The following ARMC9 variants were observed in gnomAD, a reference collection of about 807,000 sequenced individuals.
The protein encoded by ARMC9 is armadillo repeat containing 9.
In ARMC9, 94 loss-of-function variants were observed where a neutral mutation model predicts 107.0. The ratio of observed to expected loss-of-function variants is 0.88; its 90% confidence interval spans 0.74 to 1.04. The LOEUF is 1.04. Ranked by LOEUF, ARMC9 falls within the 50% of genes least tolerant of loss-of-function variation. The pLI, the probability that ARMC9 is intolerant of heterozygous loss-of-function variation, is 0.00. For synonymous variants in ARMC9, 380 were observed against 396.9 expected, an observed-to-expected ratio of 0.96 and a Z score of 0.51; for missense variants, 942 against 1,030.1, an observed-to-expected ratio of 0.91 and a Z score of 1.17.
rs1230180858 is a variant in ARMC9, at chr2:231,317,274, G to A, written c.1774-14519G>A. On this transcript the variant is annotated intron_variant, in intron 19 of 24. Transcript: ENST00000611582. ...CAACCTCCGCCTCCTGGGTTCAAGCGATTCTCCTGCCTCAGCTTCCTGAGT... is the reference window on the plus strand; with the variant it reads ...CAACCTCCGCCTCCTGGGTTCAAGCAATTCTCCTGCCTCAGCTTCCTGAGT... Among the ~76,000 whole-genome samples the A allele has an allele frequency of 2.6e-5, 4 of 151,836 alleles. No homozygotes were observed. In the South Asian group the frequency reaches 6.3e-4, roughly 24 times the overall value.
At chr2:231,355,705 C>T (rs1385724363) in intron 21 of ARMC9, 93 bp from the exon 22 acceptor site, 1 of 1,393,478 alleles carries the variant, frequency 7.2e-7, no homozygotes, top group Non-Finnish European at 9.6e-7. Flanking sequence ...GAGGCACCGC[C>T]CCCTCCTGTA....
intron 13 of ARMC9, 118 bp downstream of exon 13, chr2:231,271,190 G>A (rs903303567): frequency 2.0e-5 from 19 of 930,466 alleles, no homozygotes; most frequent in African/African-American, 1.7e-4. Context: ...GTTTGTTACC[G>A]TTTAATTCAT....
rs1284644917 is a variant in ARMC9, at chr2:231,358,585, A to G, written c.2132-2169A>G. Among the ~76,000 whole-genome samples, 1 of 152,142 alleles carries G rather than the reference A, an allele frequency of 6.6e-6. No homozygotes were observed. The highest frequency in any genetic ancestry group is 1.5e-5 in the Non-Finnish European group (1 of 68,028). ...TCTCCTTGCACACAGCTCGCTGCTG[A>G]GTCTGGCCTGTGCTGGGAACTAACG... On this transcript the variant is annotated intron_variant, in intron 22 of 24. Transcript: ENST00000611582. The surrounding 1 kb of genome is among the most constrained non-coding windows in gnomAD (Gnocchi z 4.5).
At chr2:231,305,961 C>T (rs1403020778) in intron 19 of ARMC9, among the ~76,000 whole-genome samples, 1 of 152,138 alleles carries the variant, frequency 6.6e-6, no homozygotes, top group Non-Finnish European at 1.5e-5. Flanking sequence ...CATTAAACTC[C>T]GAATGATTGG....
intron 12 of ARMC9, among the ~76,000 whole-genome samples, chr2:231,263,443 A>G (rs2038567035): frequency 6.6e-6 from 1 of 152,236 alleles, no homozygotes; most frequent in South Asian, 2.1e-4. Flanking sequence ...TGCAAGTCAG[A>G]GAATGGGGGT....
chr2:231,203,466 G>A (rs1032854704), intron 1 of ARMC9, among the ~76,000 whole-genome samples: 6 of 152,114 alleles, frequency 3.9e-5, no homozygotes, highest in African/African-American at 1.4e-4. Flanking sequence ...TGGCTGGCGT[G>A]GCCTGAGCAG....
In ARMC9 at chr2:231,323,004, G is replaced by A. The variant is rs147891264; in HGVS notation, c.1774-8789G>A. Among the ~76,000 whole-genome samples, 234 of 152,288 alleles carry A rather than the reference G, an allele frequency of 1.5e-3. 1 individual carries two copies. Among genetic ancestry groups the A allele is most frequent in the Non-Finnish European group, 2.8e-3 (189 of 68,010 alleles). On this transcript the variant is annotated intron_variant, in intron 19 of 24. Transcript: ENST00000611582. The stretch of plus-strand genomic sequence containing the variant: ...GCCCAGTGCACCCAGCACCTTGCCA[G>A]GCTTGCATTGAGAGAGGCTAGCAGA...
rs767810073 is a variant in ARMC9 at position 231,309,947 on chromosome 2, C to A, written c.1773+13694C>A. On this transcript the variant is annotated intron_variant, in intron 19 of 24. Transcript: ENST00000611582. ...TTATATCTAAATTCTGTGTGCCATC[C>A]ATGTTATGTAAAATATGGAGCATGT... is the stretch of plus-strand genomic sequence containing the variant. Among the ~76,000 whole-genome samples, 43 of 152,048 alleles carry A rather than the reference C, an allele frequency of 2.8e-4. 1 individual carries two copies. The highest frequency in any genetic ancestry group is 5.1e-4 in the Non-Finnish European group (35 of 68,002).
intron 19 of ARMC9, among the ~76,000 whole-genome samples, chr2:231,305,348 C>T (rs572415085): frequency 1.3e-5 from 2 of 152,296 alleles, no homozygotes; most frequent in South Asian, 2.1e-4. Context: ...CCAGGATAAA[C>T]CATGAAAGTC....
intron 6 of ARMC9, among the ~76,000 whole-genome samples, chr2:231,223,577 TGTTTA>T (rs1202752552): frequency 6.6e-6 from 1 of 152,240 alleles, no homozygotes. Context: ...AATTGGTCAC[TGTTTA>T]GTTTAATTTC....
intron 9 of ARMC9, among the ~76,000 whole-genome samples, chr2:231,242,641 C>T (rs1408888022): frequency 1.3e-5 from 2 of 152,156 alleles, no homozygotes; most frequent in Non-Finnish European, 2.9e-5. Context: ...TAGCAATTAG[C>T]ATGACAGGGT....
intron 6 of ARMC9, among the ~76,000 whole-genome samples, chr2:231,224,642 C>T (rs2034471985): frequency 6.6e-6 from 1 of 152,168 alleles, no homozygotes; most frequent in Admixed American, 6.5e-5. Flanking sequence ...GAAGCATATG[C>T]TGAAATATAG....
intron 20 of ARMC9, among the ~76,000 whole-genome samples, chr2:231,333,549 C>T (rs2043881791): frequency 6.6e-6 from 1 of 152,198 alleles, no homozygotes; most frequent in African/African-American, 2.4e-5. Context: ...GAAGTGCAGC[C>T]GTCAAGGTTC....
At chr2:231,256,210 G>T in intron 9 of ARMC9, 1 of 1,531,966 alleles carries the variant, frequency 6.5e-7, no homozygotes, top group East Asian at 2.4e-5. Flanking sequence ...TGGACGACAC[G>T]AGCCGATCCA....
chr2:231,320,755 G>T (rs2042953469), intron 19 of ARMC9, among the ~76,000 whole-genome samples: 1 of 152,152 alleles, frequency 6.6e-6, no homozygotes, highest in African/African-American at 2.4e-5. Flanking sequence ...GATGGTCACA[G>T]CTCACTGAGG....
At chr2:231,327,950 A>G (rs1248959109) in intron 19 of ARMC9, among the ~76,000 whole-genome samples, 3 of 151,730 alleles carry the variant, frequency 2.0e-5, no homozygotes, top group Admixed American at 6.6e-5. Context: ...AGGCCTGGCT[A>G]ATTTTTGTTT....
At chr2:231,201,900 G>A (rs968937665) in intron 1 of ARMC9, among the ~76,000 whole-genome samples, 2 of 152,158 alleles carry the variant, frequency 1.3e-5, no homozygotes, top group Non-Finnish European at 2.9e-5. Flanking sequence ...CCATGTTGCT[G>A]TAGTCGCTTT....
At chr2:231,298,925 C>T (rs1276125050) in intron 19 of ARMC9, among the ~76,000 whole-genome samples, 1 of 152,128 alleles carries the variant, frequency 6.6e-6, no homozygotes, top group African/African-American at 2.4e-5. Context: ...CAAAGCAAGA[C>T]CCCATCTCAA....
chr2:231,206,920 G>GA (rs538226771), intron 2 of ARMC9, among the ~76,000 whole-genome samples: 19 of 152,318 alleles, frequency 1.2e-4, no homozygotes, highest in African/African-American at 4.3e-4. Context: ...CACGGGCCTG[G>GA]AGCAGGGATG....
Sources: allele counts gnomAD v4.1 joint callset (sites outside exome capture counted in the v4.1 genomes callset), GRCh38; gene constraint gnomAD v4.1.1; non-coding constraint Gnocchi (gnomAD v3.1); transcripts MANE v1.5; gene names NCBI Gene and HGNC (gene_info 2026-07-23, HGNC 2026-07-21).